COL6A6: variants seen among roughly 807,000 people sequenced by gnomAD.
COL6A6 encodes the protein collagen alpha-6(VI) chain.
A neutral mutation model predicts 208.6 loss-of-function variants in COL6A6; 183 were observed. The observed-to-expected ratio is 0.88, with a 90% confidence interval of 0.78 to 0.99. The LOEUF (loss-of-function observed/expected upper bound fraction) is 0.99. COL6A6 is among the 50% of genes least tolerant of loss of function. COL6A6 has a pLI of 0.00. For missense variants in COL6A6, 2,816 were observed against 2,815.2 expected (o/e 1.00, Z -0.01); for synonymous variants, 973 against 1,011.8 (o/e 0.96, Z 0.73).
rs1273800015 is a variant in COL6A6, at chr3:130,563,795, C to T, written c.661+131C>T. 7 of 631,392 alleles carry T rather than the reference C, an allele frequency of 1.1e-5. No homozygotes were observed. In the Admixed American group the frequency reaches 1.5e-4, roughly 13 times the overall value. 39.1% of individuals were successfully genotyped at this position (631,392 alleles called of 1,614,324 possible). On this transcript the variant is annotated intron_variant, in intron 3 of 36. Coordinates refer to ENST00000358511, the MANE Select transcript of COL6A6 (RefSeq NM_001102608.3). The stretch of plus-strand genomic sequence containing the variant: ...GCATTTTCAGATGTTATGTACCCAT[C>T]GTTTAAGAGAGTCCAGTGATTATGA...
At chr3:130,597,480 C>T (rs1432662817) in intron 18 of COL6A6, among the ~76,000 whole-genome samples, 1 of 152,206 alleles carries the variant, frequency 6.6e-6, no homozygotes, top group East Asian at 1.9e-4. Context: ...CCGCAAATTA[C>T]TTATTGATTG....
chr3:130,585,387 T>C (rs2063514947), intron 10 of COL6A6, among the ~76,000 whole-genome samples: 1 of 152,232 alleles, frequency 6.6e-6, no homozygotes, highest in African/African-American at 2.4e-5. Flanking sequence ...AAAATAGGAC[T>C]ATAATTATAC....
intron 5 of COL6A6, 90 bp from the exon 6 acceptor site, chr3:130,567,957 T>A: frequency 1.1e-6 from 1 of 894,450 alleles, no homozygotes; most frequent in East Asian, 2.5e-5. Flanking sequence ...CATGTCAATA[T>A]AAAATTATTT....
intron 28 of COL6A6, 76 bp from the exon 29 acceptor site, chr3:130,641,576 A>AT: frequency 4.5e-6 from 3 of 673,318 alleles, no homozygotes; most frequent in Non-Finnish European, 6.9e-6. Context: ...TTGAATTTTA[A>AT]TTTTTTAAAA....
intron 23 of COL6A6, among the ~76,000 whole-genome samples, chr3:130,615,861 C>T (rs977494560): frequency 2.0e-5 from 3 of 152,098 alleles, no homozygotes; most frequent in Non-Finnish European, 4.4e-5. Context: ...GTGCAGAGCA[C>T]GTCTGTGAAT....
intron 35 of COL6A6, 52 bp from the exon 36 acceptor site, chr3:130,664,951 G>A: frequency 8.3e-7 from 1 of 1,207,334 alleles, no homozygotes; most frequent in Non-Finnish European, 1.2e-6. Flanking sequence ...GCAGATTGCA[G>A]TAATGTTAAC....
chr3:130,673,134 G>C (rs1181875805), intron 36 of COL6A6, among the ~76,000 whole-genome samples: 1 of 141,288 alleles, frequency 7.1e-6, no homozygotes, highest in Non-Finnish European at 1.5e-5. Flanking sequence ...AGCCGAGATC[G>C]TGCCACTGCA....
At chr3:130,641,906 CTT>C (rs1187714642) in intron 29 of COL6A6, among the ~76,000 whole-genome samples, 192 bp downstream of exon 29, 2 of 152,088 alleles carry the variant, frequency 1.3e-5, no homozygotes, top group African/African-American at 2.4e-5. Context: ...AAATACATCT[CTT>C]GAGAGAGAGG....
At chr3:130,658,908 C>A (rs1260080392) in intron 34 of COL6A6, 136 bp downstream of exon 34, 3 of 626,472 alleles carry the variant, frequency 4.8e-6, no homozygotes, top group Non-Finnish European at 8.6e-6. Flanking sequence ...TGGGCCCACC[C>A]TGTCACACTT....
chr3:130,583,381 G>T (rs1311139215), intron 10 of COL6A6, among the ~76,000 whole-genome samples: 3 of 152,024 alleles, frequency 2.0e-5, no homozygotes, highest in Non-Finnish European at 4.4e-5. Flanking sequence ...GGGTTGTTTT[G>T]GTGGTTGCTG....
chr3:130,672,561 C>T (rs913930468), intron 36 of COL6A6, among the ~76,000 whole-genome samples: 14 of 151,902 alleles, frequency 9.2e-5, no homozygotes, highest in African/African-American at 3.4e-4. Context: ...TACCACCACA[C>T]CCGGCTAATT....
chr3:130,626,007 T>A (rs932438980), intron 24 of COL6A6, among the ~76,000 whole-genome samples: 1 of 152,186 alleles, frequency 6.6e-6, no homozygotes, highest in Admixed American at 6.5e-5. Flanking sequence ...GTAGCTGAAC[T>A]TTCCTCAACA....
chr3:130,522,769 C>G (rs1711146905), intron 1 of COL6A6, among the ~76,000 whole-genome samples: 1 of 152,124 alleles, frequency 6.6e-6, no homozygotes, highest in Non-Finnish European at 1.5e-5. Flanking sequence ...CTCACTTCAT[C>G]AACAGTCCCA....
rs367938359 is a variant in COL6A6 at position 130,662,288 on chromosome 3, C to T, written c.6482C>T (p.Ser2161Phe). ...DHSYGVKFVKSFINSIRRAIN... is the reference protein window; with the variant it reads ...DHSYGVKFVKFFINSIRRAIN... Reference sequence around the variant, plus strand: ...AGTTATGGTGTGAAGTTTGTGAAGTCCTTTATAAACTCAATCAGGCGTAAG... The same window carrying T: ...AGTTATGGTGTGAAGTTTGTGAAGTTCTTTATAAACTCAATCAGGCGTAAG... Residue 2161 changes from serine (S) to phenylalanine (F), a missense_variant, in exon 35 of 37, where the codon TCC becomes TTC. Transcript: ENST00000358511. 3.4e-5 allele frequency: 55 copies of T among 1,612,972 alleles called. No homozygotes were observed. In the African/African-American group the frequency reaches 5.2e-4, roughly 15 times the overall value.
rs950521877 is a variant in COL6A6, at chr3:130,599,801, A to G, written c.4644A>G (p.Arg1548=). 6.2e-7 allele frequency: 1 copy of G among 1,613,696 alleles called. No homozygotes were observed. ...WPGPPGTPGS[R]RKTAAHGRRG... ...GCCCCCCCGGGACACCAGGCTCCAG[A>G]AGAAAGACAGTAAGAGCCCTTCTAG... is the stretch of plus-strand genomic sequence containing the variant. The change falls in exon 20 of 37, where the codon AGA becomes AGG. Residue 1548 remains arginine, a synonymous_variant. Transcript: ENST00000358511.
At chr3:130,646,028 C>G (rs1413730840) in intron 32 of COL6A6, among the ~76,000 whole-genome samples, 1 of 152,148 alleles carries the variant, frequency 6.6e-6, no homozygotes, top group Non-Finnish European at 1.5e-5. Flanking sequence ...AACTTCCATT[C>G]TTATGGAGGA....
chr3:130,592,592 T>C lies in COL6A6; in HGVS notation c.4324T>C (p.Tyr1442His). 1.2e-6 allele frequency: 2 copies of C among 1,613,318 alleles called. No homozygotes were observed. Among genetic ancestry groups the C allele is most frequent in the Non-Finnish European group, 1.7e-6 (2 of 1,179,436 alleles). The change falls in exon 14 of 37, where the codon TAT becomes CAT. Residue 1442 changes from tyrosine (Y) to histidine (H), a missense_variant. Transcript: ENST00000358511. ...GGGAGAGCAAGGTACTAAGGGATGC[T>C]ATGGCACCAAAGGTCCTAAGGTAAG... is the stretch of plus-strand genomic sequence containing the variant. ...PVGEQGTKGC[Y>H]GTKGPKGNRG...
At position 130,635,830 on chromosome 3, in the gene COL6A6, A is replaced by G. The variant is rs2065097239; in HGVS notation, c.5091+69A>G. ...GGAAGTCCTCCTTTGTGCATTTACA[A>G]TAATTTGAGTTGTCTTTTGTTACCA... On this transcript the variant is annotated intron_variant, in intron 28 of 36. Transcript: ENST00000358511. 9 of 1,173,778 alleles carry G rather than the reference A, an allele frequency of 7.7e-6. No individual in the cohort carries two copies. The East Asian group carries it at 1.7e-4, about 22-fold the overall frequency. The allele number at this position is 1,173,778 out of a possible 1,614,324, so 72.7% of individuals were successfully genotyped here.
intron 8 of COL6A6, 138 bp downstream of exon 8, chr3:130,574,663 GTTA>G: frequency 1.4e-6 from 1 of 702,588 alleles, no homozygotes; most frequent in South Asian, 1.9e-5. Flanking sequence ...GCTTTTCACA[GTTA>G]TTAAATATTT....
Sources: gnomAD v4.1 joint callset for allele counts (sites outside exome capture counted in the v4.1 genomes callset) on GRCh38, gnomAD v4.1.1 for gene constraint, MANE v1.5 for transcripts, NCBI Gene and HGNC (gene_info 2026-07-23, HGNC 2026-07-21) for gene names.